C1orf56: variants seen among roughly 807,000 people sequenced by gnomAD.
The protein encoded by C1orf56 is protein MENT.
C1orf56 carries 14 observed loss-of-function variants against 20.7 expected under a neutral mutation model. That is an observed-to-expected ratio of 0.68 (90% confidence interval 0.45 to 1.06). C1orf56 has a LOEUF of 1.06. Ranked by LOEUF, C1orf56 falls within the 50% of genes least tolerant of loss-of-function variation. C1orf56 has a pLI of 0.00. For missense variants in C1orf56, 424 were observed against 451.4 expected (o/e 0.94, Z 0.55); for synonymous variants, 187 against 194.7 (o/e 0.96, Z 0.33).
At chr1:151,049,368 C>T (rs1156427784) in intron 1 of C1orf56, among the ~76,000 whole-genome samples, 2 of 151,782 alleles carry the variant, frequency 1.3e-5, no homozygotes, top group African/African-American at 2.4e-5. Flanking sequence ...CCACCCGCCT[C>T]GGCCTCCCAA....
Position 151,048,935 on chromosome 1 carries a change from A to C in C1orf56, c.1005+83A>C. ...CTAAAACCCAGTTGCTAAGCCAGCC[A>C]GTGTTGCTTACATGAACTGTTACTG... On this transcript the variant is annotated intron_variant, in intron 1 of 1. Transcript: ENST00000368926. The surrounding 1 kb of genome is among the most constrained non-coding windows in gnomAD (Gnocchi z 4.8). 6.7e-7 allele frequency: 1 copy of C among 1,499,032 alleles called. No individual in the cohort carries two copies. Among genetic ancestry groups the C allele is most frequent in the Non-Finnish European group, 8.9e-7 (1 of 1,125,884 alleles). 92.9% of individuals were successfully genotyped at this position (1,499,032 alleles called of 1,614,324 possible).
In C1orf56 at chr1:151,047,751, A is replaced by G. The variant is rs1371070321; in HGVS notation, c.-97A>G. On this transcript the variant is annotated 5_prime_UTR_variant, in exon 1 of 2. Transcript: ENST00000368926. The stretch of plus-strand genomic sequence containing the variant: ...CCCCCTTCCCCGCGGGCCTCGGTTC[A>G]AACGACCCGGTGGGTCTACAGCGGA... 42 of 1,422,192 alleles carry G rather than the reference A, an allele frequency of 3.0e-5. No individual in the cohort carries two copies. The highest frequency in any genetic ancestry group is 3.7e-5 in the Non-Finnish European group (41 of 1,094,334). 88.1% of individuals were successfully genotyped at this position (1,422,192 alleles called of 1,614,324 possible).
At position 151,048,013 on chromosome 1, in the gene C1orf56, C is replaced by T. The variant is rs1467642285; in HGVS notation, c.166C>T (p.Leu56Phe). Residue 56 changes from leucine to phenylalanine, a missense_variant, in exon 1 of 2, where the codon CTT becomes TTT. Physicochemically the swap from Leu to Phe is conservative, Grantham distance 22. Coordinates refer to ENST00000368926, the MANE Select transcript of C1orf56 (RefSeq NM_017860.5). The surrounding 1 kb of genome is among the most constrained non-coding windows in gnomAD (Gnocchi z 4.8). The stretch of plus-strand genomic sequence containing the variant: ...CTACCGGAGCACCGCCCGGACTGGT[C>T]TTCCCCGGAAGACAAGGATAATCCT... ...RSYRSTARTG[L>F]PRKTRIILED... 1 of 1,614,054 alleles carries T rather than the reference C, an allele frequency of 6.2e-7. No individual in the cohort carries two copies. Among genetic ancestry groups the T allele is most frequent in the Non-Finnish European group, 8.5e-7 (1 of 1,180,000 alleles).
intron 1 of C1orf56, chr1:151,049,851 C>T (rs1315421522): frequency 2.6e-5 from 4 of 152,500 alleles, no homozygotes; most frequent in Non-Finnish European, 4.4e-5. Flanking sequence ...TTTTGATGCA[C>T]AGATAATTAA....
At position 151,050,606 on chromosome 1, in the gene C1orf56, G is replaced by A. The variant is rs1676157845; in HGVS notation, c.*148G>A. ...GTGTTTCTTTACAGAGGTACCTGAG[G>A]GAGGAGAGACATAAATCCCTTCATC... On this transcript the variant is annotated 3_prime_UTR_variant, in exon 2 of 2. Coordinates refer to ENST00000368926, the MANE Select transcript of C1orf56 (RefSeq NM_017860.5). The A allele has an allele frequency of 1.3e-6, 1 of 748,152 alleles. No homozygotes were observed. The highest frequency in any genetic ancestry group is 2.7e-5 in the Admixed American group (1 of 36,892). The allele number at this position is 748,152 out of a possible 1,614,324, so 46.3% of individuals were successfully genotyped here. A position where few individuals can be genotyped will look rare whatever the true frequency, so the allele number is the denominator to read the frequency against.
Position 151,048,735 on chromosome 1 carries a change from C to T in C1orf56, c.888C>T (p.Ser296=). ...TTPFPTIHLR[S]SPSLPPASPC... The stretch of plus-strand genomic sequence containing the variant: ...CCTTCCCCACCATCCACCTCAGAAG[C>T]AGTCCCAGCCTGCCACCCGCCAGCC... Residue 296 remains serine, a synonymous_variant, in exon 1 of 2, where the codon AGC becomes AGT. Coordinates refer to ENST00000368926, the MANE Select transcript of C1orf56 (RefSeq NM_017860.5). This position sits in a 1 kb window ranked among gnomAD's most constrained non-coding sequence, Gnocchi z 4.8. The T allele has an allele frequency of 1.2e-6, 2 of 1,613,584 alleles. No homozygotes were observed. Among genetic ancestry groups the T allele is most frequent in the Non-Finnish European group, 1.7e-6 (2 of 1,179,752 alleles).
In C1orf56 at chr1:151,048,545, T is replaced by C. The variant is rs373294785; in HGVS notation, c.698T>C (p.Leu233Pro). The C allele has an allele frequency of 4.4e-5, 71 of 1,613,718 alleles. No individual in the cohort carries two copies. The highest frequency in any genetic ancestry group is 1.7e-4 in the Admixed American group (10 of 60,014). Residue 233 changes from leucine to proline, a missense_variant, in exon 1 of 2, where the codon CTT (leucine) becomes CCT (proline). Leu to Pro is a moderately conservative substitution (Grantham distance 98, BLOSUM62 -3). Transcript: ENST00000368926. The surrounding 1 kb of genome is among the most constrained non-coding windows in gnomAD (Gnocchi z 4.8). ...SGKLHGLSGRLRVGALSQLRT... is the reference protein window; with the variant it reads ...SGKLHGLSGRPRVGALSQLRT... ...AAGCTGCACGGCCTTTCCGGGCGCC[T>C]TCGAGTTGGGGCGCTGAGCCAGCTC...
At position 151,048,539 on chromosome 1, in the gene C1orf56, G is replaced by A. The variant is rs750878240; in HGVS notation, c.692G>A (p.Gly231Glu). ...SRSGKLHGLS[G>E]RLRVGALSQL... ...TCTGGGAAGCTGCACGGCCTTTCCGGGCGCCTTCGAGTTGGGGCGCTGAGC... is the reference window on the plus strand; with the variant it reads ...TCTGGGAAGCTGCACGGCCTTTCCGAGCGCCTTCGAGTTGGGGCGCTGAGC... The change falls in exon 1 of 2, where the codon GGG becomes GAG. Residue 231 changes from glycine (G) to glutamate (E), a missense_variant. Gly to Glu is a moderately conservative substitution (Grantham distance 98). Transcript: ENST00000368926. This position sits in a 1 kb window ranked among gnomAD's most constrained non-coding sequence, Gnocchi z 4.8. The A allele has an allele frequency of 6.2e-7, 1 of 1,613,598 alleles. No homozygotes were observed. The highest frequency in any genetic ancestry group is 8.5e-7 in the Non-Finnish European group (1 of 1,180,034).
Position 151,048,974 on chromosome 1 carries a change from T to C in C1orf56, c.1005+122T>C. 4 of 1,391,140 alleles carry C rather than the reference T, an allele frequency of 2.9e-6. No individual in the cohort carries two copies. The highest frequency in any genetic ancestry group is 1.4e-5 in the African/African-American group (1 of 69,528). 86.2% of individuals were successfully genotyped at this position (1,391,140 alleles called of 1,614,324 possible). Reference sequence around the variant, plus strand: ...GAACTGTTACTGACTTACCTGGTTATTGATTCATAACATGCATTGGTTATT... The same window carrying C: ...GAACTGTTACTGACTTACCTGGTTACTGATTCATAACATGCATTGGTTATT... On this transcript the variant is annotated intron_variant, in intron 1 of 1. Transcript: ENST00000368926. The surrounding 1 kb of genome is among the most constrained non-coding windows in gnomAD (Gnocchi z 4.8).
rs1676084122 is a variant in C1orf56, at chr1:151,047,786, G to A, written c.-62G>A. 3 of 1,450,566 alleles carry A rather than the reference G, an allele frequency of 2.1e-6. No homozygotes were observed. Among genetic ancestry groups the A allele is most frequent in the African/African-American group, 2.9e-5 (2 of 70,086 alleles). 89.9% of individuals were successfully genotyped at this position (1,450,566 alleles called of 1,614,324 possible). On this transcript the variant is annotated 5_prime_UTR_variant, in exon 1 of 2. Transcript: ENST00000368926. ...GTGGGTCTACAGCGGAAGGGAGGGA[G>A]CGAAGGTAGGAGGCAGGGCTTGCCT...
chr1:151,050,595 A>G lies in C1orf56; in HGVS notation c.*137A>G, dbSNP rs1025956982. The G allele has an allele frequency of 3.7e-6, 3 of 808,958 alleles. No homozygotes were observed. The highest frequency in any genetic ancestry group is 5.9e-6 in the Non-Finnish European group (3 of 510,266). The allele number at this position is 808,958 out of a possible 1,614,324, so 50.1% of individuals were successfully genotyped here. On this transcript the variant is annotated 3_prime_UTR_variant, in exon 2 of 2. Coordinates refer to ENST00000368926, the MANE Select transcript of C1orf56 (RefSeq NM_017860.5). ...TGTTTGGTCTTGTGTTTCTTTACAG[A>G]GGTACCTGAGGGAGGAGAGACATAA...
chr1:151,050,528 CTAGA>C lies in C1orf56; in HGVS notation c.*73_*76del, dbSNP rs928769818. 80 of 1,455,260 alleles carry C rather than the reference CTAGA, an allele frequency of 5.5e-5. No individual in the cohort carries two copies. In the African/African-American group the frequency reaches 1.0e-3, roughly 19 times the overall value. 90.1% of individuals were successfully genotyped at this position (1,455,260 alleles called of 1,614,324 possible). On this transcript the variant is annotated 3_prime_UTR_variant, in exon 2 of 2. Transcript: ENST00000368926. ...CTTGCCCTTTCAATCCTAGCACCCA[CTAGA>C]TATTTTTAGTACAGAAAAACAAAAC... is the stretch of plus-strand genomic sequence containing the variant.
intron 1 of C1orf56, chr1:151,049,582 GTC>G (rs111688544): frequency 6.6e-6 from 1 of 151,740 alleles, no homozygotes; most frequent in Admixed American, 6.6e-5. Context: ...TCGAGACAGG[GTC>G]TCTCATCACT....
rs1676116137 is a variant in C1orf56 at position 151,048,786 on chromosome 1, ACGGGTCAGGATTGG to A, written c.941_954del (p.Arg314ProfsTer7). ...CCTGCCCAGCCCTGGCTTTTTGGAA[ACGGGTCAGGATTGG>A]CCTGGAGGATATTTGGAATAGCCTC... On this transcript the variant is annotated frameshift_variant, in exon 1 of 2. Transcript: ENST00000368926. LOFTEE classifies it high-confidence loss of function. This position sits in a 1 kb window ranked among gnomAD's most constrained non-coding sequence, Gnocchi z 4.8. 1 of 1,612,724 alleles carries A rather than the reference ACGGGTCAGGATTGG, an allele frequency of 6.2e-7. No individual in the cohort carries two copies. Among genetic ancestry groups the A allele is most frequent in the South Asian group, 1.1e-5 (1 of 90,796 alleles).
At position 151,048,142 on chromosome 1, in the gene C1orf56, G is replaced by C. The variant is rs778421558; in HGVS notation, c.295G>C (p.Ala99Pro). ...GTCCACCGGCTTTAGCCGGTCGTCC[G>C]CCATTAACGAGGAGGATGGGTCTTC... ...TVSTGFSRSS[A>P]INEEDGSSEE... The change falls in exon 1 of 2, where the codon GCC becomes CCC. Residue 99 changes from alanine to proline, a missense_variant. Coordinates refer to ENST00000368926, the MANE Select transcript of C1orf56 (RefSeq NM_017860.5). The surrounding 1 kb of genome is among the most constrained non-coding windows in gnomAD (Gnocchi z 4.8). 71 of 1,613,950 alleles carry C rather than the reference G, an allele frequency of 4.4e-5. No individual in the cohort carries two copies. Among genetic ancestry groups the C allele is most frequent in the Non-Finnish European group, 5.5e-5 (65 of 1,180,030 alleles).
At position 151,047,814 on chromosome 1, in the gene C1orf56, C is replaced by T; in HGVS notation, c.-34C>T. The T allele has an allele frequency of 6.7e-7, 1 of 1,502,470 alleles. No homozygotes were observed. The highest frequency in any genetic ancestry group is 1.4e-5 in the African/African-American group (1 of 71,524). 93.1% of individuals were successfully genotyped at this position (1,502,470 alleles called of 1,614,324 possible). ...AAGGTAGGAGGCAGGGCTTGCCTCA[C>T]TGGCCACCCTCCCAACCCCAAGAGC... On this transcript the variant is annotated 5_prime_UTR_variant, in exon 1 of 2. Transcript: ENST00000368926.
Position 151,051,393 on chromosome 1 carries a change from GAAAAAAAAAAAAAA to G in C1orf56, c.*949_*962del, listed in dbSNP as rs71702880. 1.8e-4 allele frequency: 6 copies of G among 34,100 alleles called. 1 individual carries two copies. Among genetic ancestry groups the G allele is most frequent in the Admixed American group, 5.6e-4 (1 of 1,796 alleles). The allele number at this position is 34,100 out of a possible 1,614,324, so 2.1% of individuals were successfully genotyped here. Reference sequence around the variant, plus strand: ...AATGGCAGAAAATACATGGAAATTTGAAAAAAAAAAAAAAAAAAAAAAAAAAAGAACCTCAGTCA... The same window carrying G: ...AATGGCAGAAAATACATGGAAATTTGAAAAAAAAAAAAAGAACCTCAGTCA... On this transcript the variant is annotated 3_prime_UTR_variant, in exon 2 of 2. Transcript: ENST00000368926.
In C1orf56 at chr1:151,048,585, G is replaced by GC; in HGVS notation, c.740dup (p.Cys248LeufsTer24). On this transcript the variant is annotated frameshift_variant, in exon 1 of 2. Coordinates refer to ENST00000368926, the MANE Select transcript of C1orf56 (RefSeq NM_017860.5). LOFTEE classifies it high-confidence loss of function. This position sits in a 1 kb window ranked among gnomAD's most constrained non-coding sequence, Gnocchi z 4.8. ...TGAGCCAGCTCCGCACGGAGCACAA[G>GC]CCTTGCACCTATCAACAATGTCCCT... is the stretch of plus-strand genomic sequence containing the variant. 1 of 1,614,226 alleles carries GC rather than the reference G, an allele frequency of 6.2e-7. No individual in the cohort carries two copies. Among genetic ancestry groups the GC allele is most frequent in the Non-Finnish European group, 8.5e-7 (1 of 1,180,046 alleles).
chr1:151,048,890 G>A lies in C1orf56; in HGVS notation c.1005+38G>A. The stretch of plus-strand genomic sequence containing the variant: ...TGATGAGCCAGGGTCTTTGTTGACG[G>A]ATCTGAAAAGTCCTGGTATCTAAAA... On this transcript the variant is annotated intron_variant, in intron 1 of 1. Transcript: ENST00000368926. This position sits in a 1 kb window ranked among gnomAD's most constrained non-coding sequence, Gnocchi z 4.8. 1.3e-6 allele frequency: 2 copies of A among 1,513,150 alleles called. No homozygotes were observed. Among genetic ancestry groups the A allele is most frequent in the Middle Eastern group, 1.8e-4 (1 of 5,582 alleles). The allele number at this position is 1,513,150 out of a possible 1,614,324, so 93.7% of individuals were successfully genotyped here. A position where few individuals can be genotyped will look rare whatever the true frequency, so the allele number is the denominator to read the frequency against.
Sources: allele counts gnomAD v4.1 joint callset (sites outside exome capture counted in the v4.1 genomes callset), GRCh38; gene constraint gnomAD v4.1.1; non-coding constraint Gnocchi (gnomAD v3.1); transcripts MANE v1.5; gene names NCBI Gene and HGNC (gene_info 2026-07-23, HGNC 2026-07-21).